TSPAN18: variants seen among roughly 807,000 people sequenced by gnomAD.
TSPAN18 encodes tetraspanin 18, also known as tetraspanin-18.
A neutral mutation model predicts 27.3 loss-of-function variants in TSPAN18; 14 were observed. The observed-to-expected ratio is 0.51, with a 90% CI of 0.34 to 0.80. The LOEUF (loss-of-function observed/expected upper bound fraction) is 0.80, where lower values mean the gene tolerates loss of function less well. TSPAN18 is among the 30% of genes least tolerant of loss of function. TSPAN18 has a pLI of 0.01. For synonymous variants in TSPAN18, 143 were observed against 136.5 expected (o/e 1.05, Z -0.33); for missense variants, 268 against 323.9 (o/e 0.83, Z 1.32).
chr11:44,887,959 A>G (rs1858714995), intron 3 of TSPAN18, among the ~76,000 whole-genome samples: 1 of 152,058 alleles, frequency 6.6e-6, no homozygotes, highest in Non-Finnish European at 1.5e-5. Flanking sequence ...GGGATGGATT[A>G]TTGTCTTTCA....
intron 1 of TSPAN18, among the ~76,000 whole-genome samples, chr11:44,749,891 C>G (rs1443594190): frequency 6.6e-6 from 1 of 152,214 alleles, no homozygotes; most frequent in Non-Finnish European, 1.5e-5. Flanking sequence ...CCGCCTTGGC[C>G]TCCCAAAGTG....
intron 2 of TSPAN18, among the ~76,000 whole-genome samples, chr11:44,792,632 G>A (rs987190341): frequency 2.6e-5 from 4 of 152,194 alleles, no homozygotes; most frequent in Non-Finnish European, 5.9e-5. Context: ...GGCTTTGGTG[G>A]AGCTGTGTGG....
At chr11:44,797,875 T>A (rs1326264467) in intron 2 of TSPAN18, among the ~76,000 whole-genome samples, 4 of 152,176 alleles carry the variant, frequency 2.6e-5, no homozygotes, top group African/African-American at 9.7e-5. Context: ...CCTAAACAGT[T>A]GCTCAGCAGA....
chr11:44,772,274 T>C (rs74536413), intron 2 of TSPAN18, among the ~76,000 whole-genome samples: 164 of 152,324 alleles, frequency 1.1e-3, no homozygotes, highest in African/African-American at 3.9e-3. Flanking sequence ...GAGCACATGA[T>C]TTTTGTATAC....
rs373165927 is a variant in TSPAN18 at position 44,879,424 on chromosome 11, AAG to A, written c.-11+18958_-11+18959del. On this transcript the variant is annotated intron_variant, in intron 3 of 9. Coordinates refer to ENST00000520358, the MANE Select transcript of TSPAN18 (RefSeq NM_130783.5). The stretch of plus-strand genomic sequence containing the variant: ...AACATTGCTGGAGATCCTGTCCACA[AAG>A]AGGGGACAGACAGTGATGGAGCGCG... Among the ~76,000 whole-genome samples, 883 of 152,342 alleles carry A rather than the reference AAG, an allele frequency of 5.8e-3. 5 individuals are homozygous for A. Among genetic ancestry groups the A allele is most frequent in the African/African-American group, 0.019 (802 of 41,576 alleles).
At chr11:44,853,386 G>A (rs1361000125) in intron 2 of TSPAN18, among the ~76,000 whole-genome samples, 2 of 152,156 alleles carry the variant, frequency 1.3e-5, no homozygotes, top group African/African-American at 2.4e-5. Flanking sequence ...AGTGGAATTC[G>A]AAGGCCCATA....
At chr11:44,921,819 C>T (rs549456562) in intron 8 of TSPAN18, among the ~76,000 whole-genome samples, 194 of 152,280 alleles carry the variant, frequency 1.3e-3, no homozygotes, top group Non-Finnish European at 9.1e-4. Flanking sequence ...TCCCATGGGC[C>T]GCATTCCCCG....
intron 1 of TSPAN18, among the ~76,000 whole-genome samples, chr11:44,759,441 G>T (rs537336570): frequency 3.3e-5 from 5 of 152,172 alleles, no homozygotes; most frequent in African/African-American, 9.7e-5. Flanking sequence ...GTTTCTCAGG[G>T]TCTAGAGAAA....
At chr11:44,847,491 G>A (rs991499454) in intron 2 of TSPAN18, among the ~76,000 whole-genome samples, 1 of 152,220 alleles carries the variant, frequency 6.6e-6, no homozygotes, top group African/African-American at 2.4e-5. Context: ...TACTTTTCAT[G>A]GCTGAATACT....
At chr11:44,882,627 C>CACAGAG (rs375349718) in intron 3 of TSPAN18, among the ~76,000 whole-genome samples, 3,701 of 130,572 alleles carry the variant, frequency 0.028, 74 homozygotes, top group Non-Finnish European at 0.037. Context: ...CACACACACA[C>CACAGAG]AGAGAGAGAG....
At chr11:44,762,669 A>G (rs1421651066) in intron 1 of TSPAN18, among the ~76,000 whole-genome samples, 1 of 152,068 alleles carries the variant, frequency 6.6e-6, no homozygotes. Context: ...TTATAAATGT[A>G]ACAAATTCCT....
intron 2 of TSPAN18, among the ~76,000 whole-genome samples, chr11:44,791,598 T>C (rs1220001962): frequency 6.6e-6 from 1 of 152,130 alleles, no homozygotes; most frequent in Non-Finnish European, 1.5e-5. Flanking sequence ...TCCTAGTCAC[T>C]TCTTCTGTGG....
intron 2 of TSPAN18, among the ~76,000 whole-genome samples, chr11:44,848,853 C>A (rs180731846): frequency 6.6e-6 from 1 of 152,300 alleles, no homozygotes; most frequent in African/African-American, 2.4e-5. Flanking sequence ...GGGCTCCCCC[C>A]ACCCCCCTGG....
At chr11:44,857,423 G>A (rs895745785) in intron 2 of TSPAN18, among the ~76,000 whole-genome samples, 2 of 152,202 alleles carry the variant, frequency 1.3e-5, no homozygotes, top group African/African-American at 2.4e-5. Flanking sequence ...TGCTCTCCCC[G>A]CCTCCCCCGT....
At chr11:44,845,475 A>C (rs1654418150) in intron 2 of TSPAN18, among the ~76,000 whole-genome samples, 1 of 152,136 alleles carries the variant, frequency 6.6e-6, no homozygotes, top group Non-Finnish European at 1.5e-5. Context: ...CACCAGAAGC[A>C]CTCCCTGCCC....
intron 2 of TSPAN18, among the ~76,000 whole-genome samples, chr11:44,783,995 G>C (rs904343923): frequency 2.6e-5 from 4 of 152,150 alleles, no homozygotes; most frequent in Non-Finnish European, 5.9e-5. Context: ...GCCAGGGAGG[G>C]GTCAGAGCAC....
At chr11:44,829,277 C>G (rs932415051) in intron 2 of TSPAN18, among the ~76,000 whole-genome samples, 1 of 152,116 alleles carries the variant, frequency 6.6e-6, no homozygotes, top group Non-Finnish European at 1.5e-5. Flanking sequence ...ATGTGTCTAC[C>G]GGTACTGTGT....
chr11:44,892,097 C>G (rs1333912129), intron 3 of TSPAN18, among the ~76,000 whole-genome samples: 1 of 152,168 alleles, frequency 6.6e-6, no homozygotes, highest in Non-Finnish European at 1.5e-5. Flanking sequence ...GCTGTCTGCT[C>G]TCCCCACAGC....
At chr11:44,804,263 C>T (rs530794947) in intron 2 of TSPAN18, among the ~76,000 whole-genome samples, 6 of 152,296 alleles carry the variant, frequency 3.9e-5, no homozygotes, top group African/African-American at 1.4e-4. Context: ...GCCACCACAC[C>T]CAGCAAATTT....
Sources: allele counts gnomAD v4.1 joint callset (sites outside exome capture counted in the v4.1 genomes callset), GRCh38; gene constraint gnomAD v4.1.1; transcripts MANE v1.5; gene names NCBI Gene and HGNC (gene_info 2026-07-23, HGNC 2026-07-21).